Variants in ZCWPW1 observed in about 807,000 individuals in gnomAD.
ZCWPW1 encodes zinc finger CW-type PWWP domain protein 1.
Under a neutral mutation model 81.3 loss-of-function variants are expected in ZCWPW1, and 56 were observed. The observed-to-expected ratio is 0.69, with a 90% CI of 0.56 to 0.86. The LOEUF (loss-of-function observed/expected upper bound fraction) is 0.86. ZCWPW1 is among the 40% of genes least tolerant of loss of function. ZCWPW1 has a pLI of 0.00. For synonymous variants in ZCWPW1, 250 were observed against 273.7 expected (o/e 0.91, Z 0.86); for missense variants, 650 against 769.8 (o/e 0.84, Z 1.84).
chr7:100,421,990 C>A (rs1796438561), intron 2 of ZCWPW1, among the ~76,000 whole-genome samples: 2 of 152,166 alleles, frequency 1.3e-5, no homozygotes, highest in Non-Finnish European at 2.9e-5. Context: ...CTACACCCGG[C>A]CTGACATCAT....
At position 100,416,493 on chromosome 7, in the gene ZCWPW1, T is replaced by C. The variant is rs376133048; in HGVS notation, c.480-37A>G. 262 of 1,606,774 alleles carry C rather than the reference T, an allele frequency of 1.6e-4. 4 individuals carry two copies. In the South Asian group the frequency reaches 2.6e-3, roughly 16 times the overall value. On this transcript the variant is annotated intron_variant, in intron 6 of 17. Coordinates refer to ENST00000684423, the MANE Select transcript of ZCWPW1 (RefSeq NM_001386010.1). ...GTTTTATTTTAATGAAAGGTAAAAATAGAGCAATTGCAGAACTCTTCTTCT... is the reference window on the plus strand; with the variant it reads ...GTTTTATTTTAATGAAAGGTAAAAACAGAGCAATTGCAGAACTCTTCTTCT...
At chr7:100,404,956 A>T in intron 13 of ZCWPW1, 57 bp downstream of exon 13, 3 of 1,544,950 alleles carry the variant, frequency 1.9e-6, no homozygotes, top group Non-Finnish European at 2.7e-6. Flanking sequence ...ACTGAGAAAG[A>T]ATCCCCCTTG....
chr7:100,408,729 G>C, intron 9 of ZCWPW1, 70 bp from the exon 10 acceptor site: 1 of 1,555,896 alleles, frequency 6.4e-7, no homozygotes, highest in Non-Finnish European at 8.7e-7. Flanking sequence ...ATGAGAGCTG[G>C]GGAGAGAACA....
In ZCWPW1 at chr7:100,408,641, C is replaced by T. The variant is rs1337999141; in HGVS notation, c.890G>A (p.Cys297Tyr). The change falls in exon 10 of 18, where the codon TGT becomes TAT. Residue 297 changes from cysteine (C) to tyrosine (Y), a missense_variant. By Grantham distance (194) the Cys-to-Tyr change is radical (BLOSUM62 -2). Transcript: ENST00000684423. ...DQNTDVQYNR[C>Y]DIPEETWTGL... is the part of the protein sequence containing the mutation. The stretch of plus-strand genomic sequence containing the variant: ...TGTCCAGGTCTCCTCAGGAATATCA[C>T]AGCGATTATACTGCACATCTGCTGA... The T allele has an allele frequency of 5.0e-6, 8 of 1,613,658 alleles. No homozygotes were observed. The highest frequency in any genetic ancestry group is 5.1e-6 in the Non-Finnish European group (6 of 1,179,824).
At chr7:100,402,671 G>T in intron 15 of ZCWPW1, 95 bp from the exon 16 acceptor site, 1 of 1,313,244 alleles carries the variant, frequency 7.6e-7, no homozygotes. Flanking sequence ...GGTGGGCTTT[G>T]GGGAATCAAA....
chr7:100,411,074 A>G (rs1794062436), intron 8 of ZCWPW1, among the ~76,000 whole-genome samples: 1 of 152,166 alleles, frequency 6.6e-6, no homozygotes, highest in African/African-American at 2.4e-5. Flanking sequence ...AGGTATCGCT[A>G]TATATTCACT....
chr7:100,423,297 T>A (rs1796669578), intron 2 of ZCWPW1, among the ~76,000 whole-genome samples: 1 of 152,204 alleles, frequency 6.6e-6, no homozygotes, highest in Non-Finnish European at 1.5e-5. Flanking sequence ...TTGAAAACCC[T>A]GCAACTGAAA....
Position 100,407,227 on chromosome 7 carries a change from C to T in ZCWPW1, c.1068+1G>A, listed in dbSNP as rs2130496210. The T allele has an allele frequency of 1.9e-6, 3 of 1,613,872 alleles. No individual in the cohort carries two copies. The highest frequency in any genetic ancestry group is 2.2e-5 in the East Asian group (1 of 44,882). Reference sequence around the variant, plus strand: ...TTCTTACCCTGAACCAGGAAACTCACCGGCAGGGAATCAAGATGGGAAGTA... The same window carrying T: ...TTCTTACCCTGAACCAGGAAACTCATCGGCAGGGAATCAAGATGGGAAGTA... On this transcript the variant is annotated splice_donor_variant, in intron 11 of 17. Coordinates refer to ENST00000684423, the MANE Select transcript of ZCWPW1 (RefSeq NM_001386010.1). LOFTEE classifies it high-confidence loss of function.
chr7:100,417,300 A>G (rs1053923581), intron 5 of ZCWPW1, 117 bp from the exon 6 acceptor site: 1 of 662,302 alleles, frequency 1.5e-6, no homozygotes, highest in African/African-American at 1.9e-5. Context: ...CCTACCTGTC[A>G]TATCACAGAA....
At chr7:100,417,311 C>G (rs1203476671) in intron 5 of ZCWPW1, 128 bp from the exon 6 acceptor site, 1 of 614,466 alleles carries the variant, frequency 1.6e-6, no homozygotes, top group East Asian at 2.9e-5. Flanking sequence ...TATCACAGAA[C>G]TTTAAATATT....
chr7:100,402,742 C>T (rs1385480599), intron 15 of ZCWPW1, among the ~76,000 whole-genome samples, 166 bp from the exon 16 acceptor site: 4 of 152,238 alleles, frequency 2.6e-5, no homozygotes, highest in Non-Finnish European at 5.9e-5. Context: ...AATGTATGGT[C>T]ACTTTCCCAG....
chr7:100,413,218 C>T (rs927174256), intron 8 of ZCWPW1, among the ~76,000 whole-genome samples: 2 of 152,204 alleles, frequency 1.3e-5, no homozygotes, highest in Admixed American at 1.3e-4. Flanking sequence ...TGGATTCCCC[C>T]TGCACTTAGG....
At chr7:100,417,250 C>T (rs1468220618) in intron 5 of ZCWPW1, 67 bp from the exon 6 acceptor site, 24 of 1,258,882 alleles carry the variant, frequency 1.9e-5, no homozygotes, top group Admixed American at 2.0e-5. Flanking sequence ...TACTCCCTAA[C>T]ATTTTCTCTA....
intron 5 of ZCWPW1, chr7:100,417,393 G>T (rs1158918820): frequency 4.0e-6 from 2 of 498,724 alleles, no homozygotes; most frequent in Non-Finnish European, 3.5e-6. Context: ...CTCATTCCAG[G>T]ATGGCCAGGT....
At chr7:100,420,467 C>T (rs944308072) in intron 3 of ZCWPW1, among the ~76,000 whole-genome samples, 155 bp downstream of exon 3, 3 of 152,134 alleles carry the variant, frequency 2.0e-5, no homozygotes, top group African/African-American at 7.2e-5. Flanking sequence ...GTTTTTAAGT[C>T]ATATTTATTT....
chr7:100,401,206 C>A lies in ZCWPW1; in HGVS notation c.1758G>T (p.Ala586=). ...GTTCCCGGTGTCTGGGCTCTTCTTT[C>A]GCAGATGAGGGGCAGGCCCCCTTAC... ...SACKGACPSS[A]KEEPRHREPL... The change falls in exon 18 of 18, where the codon GCG becomes GCT. Residue 586 remains alanine (A), a synonymous_variant. Transcript: ENST00000684423. 6.2e-7 allele frequency: 1 copy of A among 1,614,200 alleles called. No homozygotes were observed.
intron 15 of ZCWPW1, among the ~76,000 whole-genome samples, chr7:100,402,855 G>A (rs768315567): frequency 1.3e-5 from 2 of 152,130 alleles, no homozygotes; most frequent in Admixed American, 6.5e-5. Context: ...AGAAGAAAAA[G>A]TGAAAATATA....
intron 2 of ZCWPW1, among the ~76,000 whole-genome samples, chr7:100,422,239 A>G (rs138456205): frequency 6.6e-6 from 1 of 152,292 alleles, no homozygotes; most frequent in African/African-American, 2.4e-5. Context: ...TTGTGCTAAT[A>G]ACTGCTACAC....
At chr7:100,409,725 T>G (rs1407262585) in intron 8 of ZCWPW1, among the ~76,000 whole-genome samples, 181 bp from the exon 9 acceptor site, 1 of 152,200 alleles carries the variant, frequency 6.6e-6, no homozygotes, top group Non-Finnish European at 1.5e-5. Context: ...GTAACTGGCT[T>G]GCTGAGGATT....
Sources: allele counts gnomAD v4.1 joint callset (sites outside exome capture counted in the v4.1 genomes callset), GRCh38; gene constraint gnomAD v4.1.1; transcripts MANE v1.5; gene names NCBI Gene and HGNC (gene_info 2026-07-23, HGNC 2026-07-21).